Variants in ATP8A2 observed in about 807,000 individuals in gnomAD.
The protein encoded by ATP8A2 is ATPase phospholipid transporting 8A2, also known as phospholipid-transporting ATPase IB.
A neutral mutation model predicts 165.6 loss-of-function variants in ATP8A2; 100 were observed. The observed-to-expected ratio is 0.60, with a 90% CI of 0.51 to 0.71. The LOEUF is 0.71. ATP8A2 is among the 30% of genes least tolerant of loss of function. The pLI, the probability that ATP8A2 is intolerant of heterozygous loss-of-function variation, is 0.00. For synonymous variants in ATP8A2, 543 were observed against 548.8 expected, an observed-to-expected ratio of 0.99 and a Z score of 0.15; for missense variants, 1,227 against 1,479.5, an observed-to-expected ratio of 0.83 and a Z score of 2.80.
intron 1 of ATP8A2, among the ~76,000 whole-genome samples, chr13:25,424,050 C>T (rs9553611): frequency 0.41 from 62,568 of 151,880 alleles, 14,002 homozygotes; most frequent in East Asian, 0.59. Context: ...GTGAAATTGT[C>T]GGCACACGGT....
intron 35 of ATP8A2, among the ~76,000 whole-genome samples, chr13:26,009,606 T>G (rs1283249169): frequency 1.3e-5 from 2 of 152,076 alleles, no homozygotes; most frequent in African/African-American, 4.8e-5. Flanking sequence ...GCCTGGGTGG[T>G]CATTGAGCAG....
chr13:25,727,210 GATAA>G (rs1419508711), intron 25 of ATP8A2, among the ~76,000 whole-genome samples: 7 of 152,122 alleles, frequency 4.6e-5, no homozygotes, highest in African/African-American at 1.4e-4. Flanking sequence ...ACCATGAAAT[GATAA>G]ATAATCAAGC....
intron 1 of ATP8A2, among the ~76,000 whole-genome samples, chr13:25,446,645 A>AT (rs1478623161): frequency 3.9e-5 from 6 of 152,190 alleles, no homozygotes; most frequent in Non-Finnish European, 7.4e-5. Flanking sequence ...ATCATTTGGT[A>AT]TTTTTATGAA....
chr13:25,571,683 C>G lies in ATP8A2; in HGVS notation c.1653C>G (p.Ile551Met). ...VFTARTPFSV[I>M]IEAMGQEQTF... Reference sequence around the variant, plus strand: ...CAGCCAGAACACCATTCTCAGTCATCATAGAAGCGGTGAGTAACATGCGTG... The same window carrying G: ...CAGCCAGAACACCATTCTCAGTCATGATAGAAGCGGTGAGTAACATGCGTG... Residue 551 changes from isoleucine (I) to methionine (M), a missense_variant, in exon 18 of 37, where the codon ATC (isoleucine) becomes ATG (methionine). Around this residue, in one of 5 missense-constraint regions of ATP8A2, gnomAD observed 592 missense variants for 785.6 expected, o/e 0.75. Transcript: ENST00000381655. 1 of 1,613,918 alleles carries G rather than the reference C, an allele frequency of 6.2e-7. No homozygotes were observed. The highest frequency in any genetic ancestry group is 8.5e-7 in the Non-Finnish European group (1 of 1,179,800).
At chr13:25,403,843 A>G (rs952085834) in intron 1 of ATP8A2, among the ~76,000 whole-genome samples, 3 of 152,204 alleles carry the variant, frequency 2.0e-5, no homozygotes, top group African/African-American at 7.2e-5. Context: ...GTCCATGAAA[A>G]TCCAATGCAG....
At chr13:25,839,183 A>T (rs1270419412) in intron 29 of ATP8A2, among the ~76,000 whole-genome samples, 1 of 152,102 alleles carries the variant, frequency 6.6e-6, no homozygotes, top group Non-Finnish European at 1.5e-5. Flanking sequence ...AACAATTTTG[A>T]CCTAGTACCC....
At chr13:25,827,789 A>G (rs1239408384) in intron 27 of ATP8A2, among the ~76,000 whole-genome samples, 1 of 152,256 alleles carries the variant, frequency 6.6e-6, no homozygotes, top group Non-Finnish European at 1.5e-5. Flanking sequence ...AGAGAAAAAC[A>G]AGAGTGTGAA....
chr13:25,791,890 G>A (rs889779079), intron 27 of ATP8A2, among the ~76,000 whole-genome samples: 1 of 152,064 alleles, frequency 6.6e-6, no homozygotes, highest in South Asian at 2.1e-4. Flanking sequence ...GATAAATTTC[G>A]TATATGCTCA....
At chr13:25,682,290 C>T (rs1008235825) in intron 24 of ATP8A2, among the ~76,000 whole-genome samples, 2 of 152,092 alleles carry the variant, frequency 1.3e-5, no homozygotes, top group South Asian at 2.1e-4. Context: ...TGCCTCCCCC[C>T]TCCTCTGCAA....
chr13:25,577,550 C>T (rs6491067), intron 20 of ATP8A2, among the ~76,000 whole-genome samples: 91,174 of 151,804 alleles, frequency 0.6, 28,973 homozygotes, highest in Middle Eastern at 0.71. Context: ...ATGTTTTTTT[C>T]TCATACATTA....
chr13:25,526,685 A>G (rs1321621188), intron 2 of ATP8A2, among the ~76,000 whole-genome samples: 1 of 152,218 alleles, frequency 6.6e-6, no homozygotes, highest in African/African-American at 2.4e-5. Flanking sequence ...CTCCTACAGC[A>G]TGGTGCTGCT....
At chr13:25,669,672 C>G (rs925403770) in intron 24 of ATP8A2, among the ~76,000 whole-genome samples, 8 of 152,234 alleles carry the variant, frequency 5.3e-5, no homozygotes, top group African/African-American at 1.9e-4. Flanking sequence ...GCTTTTTGGT[C>G]TGTCCCTTAC....
rs2044099149 is a variant in ATP8A2 at position 25,749,059 on chromosome 13, G to C, written c.2385-19987G>C. 2.6e-5 allele frequency among the ~76,000 whole-genome samples: 4 copies of C among 152,342 alleles called. No homozygotes were observed. In the South Asian group the frequency reaches 8.3e-4, roughly 32 times the overall value. On this transcript the variant is annotated intron_variant, in intron 25 of 36. Coordinates refer to ENST00000381655, the MANE Select transcript of ATP8A2 (RefSeq NM_016529.6). ...AATTATAATGCCAATTGAGATAGCA[G>C]ATAGCAGAATAGTTTTGACTAACAT...
At chr13:25,537,922 T>C in intron 6 of ATP8A2, 66 bp from the exon 7 acceptor site, 2 of 1,138,266 alleles carry the variant, frequency 1.8e-6, no homozygotes, top group Non-Finnish European at 2.6e-6. Context: ...TTTAAGCACC[T>C]TTTTCACCAT....
chr13:25,699,281 TC>T lies in ATP8A2; in HGVS notation c.2322del (p.Phe775SerfsTer30), dbSNP rs1189356724. On this transcript the variant is annotated frameshift_variant, in exon 25 of 37. Transcript: ENST00000381655. LOFTEE classifies it high-confidence loss of function. The part of the protein sequence containing the change: ...IDGHTLKYAL[S>X]FEVRRSFLDL... ...TGGCCACACCCTGAAGTACGCGCTCTCCTTCGAAGTCCGGAGGAGTTTCCTG... is the reference window on the plus strand; with the variant it reads ...TGGCCACACCCTGAAGTACGCGCTCTCTTCGAAGTCCGGAGGAGTTTCCTG... 6.2e-7 allele frequency: 1 copy of T among 1,613,810 alleles called. No individual in the cohort carries two copies. The highest frequency in any genetic ancestry group is 1.1e-5 in the South Asian group (1 of 90,992).
intron 26 of ATP8A2, among the ~76,000 whole-genome samples, chr13:25,771,941 A>AT (rs35382528): frequency 1.3e-5 from 2 of 152,152 alleles, no homozygotes; most frequent in East Asian, 1.9e-4. Flanking sequence ...ATGTGGATGC[A>AT]TTTTTTTTAT....
intron 24 of ATP8A2, among the ~76,000 whole-genome samples, chr13:25,668,006 T>G (rs1278187387): frequency 6.6e-6 from 1 of 152,196 alleles, no homozygotes; most frequent in East Asian, 1.9e-4. Flanking sequence ...TATATTGTAT[T>G]AATATAGATT....
chr13:25,727,003 G>C (rs1469592724), intron 25 of ATP8A2, among the ~76,000 whole-genome samples: 1 of 152,100 alleles, frequency 6.6e-6, no homozygotes, highest in Non-Finnish European at 1.5e-5. Flanking sequence ...TCGTTGTCTT[G>C]ATTTTCCGTG....
rs1955445942 is a variant in ATP8A2 at position 25,953,806 on chromosome 13, A to G, written c.3184-7769A>G. 6.6e-6 allele frequency among the ~76,000 whole-genome samples: 1 copy of G among 152,070 alleles called. No homozygotes were observed. The highest frequency in any genetic ancestry group is 2.4e-5 in the African/African-American group (1 of 41,396). ...GCCGTGAGGGACTGTGCTGTAAGGA[A>G]CCATGCATTCCGTCCCAGATACTAT... On this transcript the variant is annotated intron_variant, in intron 33 of 36. Transcript: ENST00000381655. The surrounding 1 kb of genome is among the most constrained non-coding windows in gnomAD (Gnocchi z 6.7).
Sources: gnomAD v4.1 joint callset for allele counts (sites outside exome capture counted in the v4.1 genomes callset) on GRCh38, gnomAD v4.1.1 for gene constraint, gnomAD v4.1.1 regional missense constraint, Gnocchi (gnomAD v3.1) non-coding constraint, MANE v1.5 for transcripts, NCBI Gene and HGNC (gene_info 2026-07-23, HGNC 2026-07-21) for gene names.